The following SMARCC1 variants were observed in gnomAD, a reference collection of about 807,000 sequenced individuals.
SMARCC1 encodes SWI/SNF related BAF chromatin remodeling complex subunit C1, also known as SWI/SNF complex subunit SMARCC1.
A neutral mutation model predicts 147.4 loss-of-function variants in SMARCC1; 43 were observed. That is an observed-to-expected ratio of 0.29 (90% CI 0.23 to 0.38). The LOEUF is 0.38. Ranked by LOEUF, SMARCC1 falls within the 10% of genes least tolerant of loss-of-function variation. The pLI is 1.00. For synonymous variants in SMARCC1, 495 were observed against 484.4 expected, an observed-to-expected ratio of 1.02 and a Z score of -0.29; for missense variants, 1,119 against 1,381.1, an observed-to-expected ratio of 0.81 and a Z score of 3.01.
intron 26 of SMARCC1, among the ~76,000 whole-genome samples, chr3:47,597,945 T>C (rs1379770042): frequency 6.6e-6 from 1 of 152,166 alleles, no homozygotes; most frequent in Non-Finnish European, 1.5e-5. Flanking sequence ...TGGGCAGCCA[T>C]ATAGTGAAAT....
At chr3:47,666,605 AAG>A (rs2033423221) in intron 19 of SMARCC1, among the ~76,000 whole-genome samples, 1 of 151,498 alleles carries the variant, frequency 6.6e-6, no homozygotes, top group South Asian at 2.1e-4. Flanking sequence ...AAAAAAAAAA[AAG>A]GTTCTCTTAG....
chr3:47,676,506 A>T, intron 17 of SMARCC1, 123 bp downstream of exon 17: 1 of 716,258 alleles, frequency 1.4e-6, no homozygotes, highest in Non-Finnish European at 2.3e-6. Flanking sequence ...ACACACAAGC[A>T]AGGATCAAAG....
At chr3:47,643,857 C>T (rs1253639899) in intron 21 of SMARCC1, among the ~76,000 whole-genome samples, 1 of 151,818 alleles carries the variant, frequency 6.6e-6, no homozygotes, top group South Asian at 2.1e-4. Flanking sequence ...ATGAAGAGAG[C>T]GGAACAAAAA....
intron 18 of SMARCC1, among the ~76,000 whole-genome samples, chr3:47,673,692 AC>A (rs2106752776): frequency 6.6e-6 from 1 of 152,352 alleles, no homozygotes; most frequent in South Asian, 2.1e-4. Context: ...CAGTCTCAAA[AC>A]AAAAAATTCT....
At chr3:47,728,454 A>G (rs1055212779) in intron 6 of SMARCC1, among the ~76,000 whole-genome samples, 1 of 152,038 alleles carries the variant, frequency 6.6e-6, no homozygotes, top group Admixed American at 6.6e-5. Context: ...TACATCATTA[A>G]TTTTTGCTTT....
intron 1 of SMARCC1, among the ~76,000 whole-genome samples, chr3:47,778,022 A>G (rs7649400): frequency 6.6e-6 from 1 of 151,266 alleles, no homozygotes; most frequent in Admixed American, 6.6e-5. Flanking sequence ...CCTGGCCAAC[A>G]TGGTGAAACC....
At chr3:47,588,662 A>C (rs1056556130) in intron 27 of SMARCC1, among the ~76,000 whole-genome samples, 1 of 151,764 alleles carries the variant, frequency 6.6e-6, no homozygotes, top group Non-Finnish European at 1.5e-5. Context: ...TTAAAAAATA[A>C]GCTCCTTCCT....
At chr3:47,778,190 C>CAAAAAAAAAAAAA (rs762774696) in intron 1 of SMARCC1, among the ~76,000 whole-genome samples, 1 of 53,156 alleles carries the variant, frequency 1.9e-5, no homozygotes, top group Non-Finnish European at 3.4e-5. Context: ...GACTCCATCT[C>CAAAAAAAAAAAAA]AAAAAAAAAA....
intron 21 of SMARCC1, among the ~76,000 whole-genome samples, chr3:47,644,543 T>C (rs769998888): frequency 6.6e-6 from 1 of 152,168 alleles, no homozygotes; most frequent in Non-Finnish European, 1.5e-5. Flanking sequence ...AGTCTCGCTC[T>C]ATCACCCAGG....
At chr3:47,729,189 G>T (rs930686791) in intron 5 of SMARCC1, 95 bp from the exon 6 acceptor site, 4 of 736,422 alleles carry the variant, frequency 5.4e-6, no homozygotes, top group Middle Eastern at 2.4e-4. Flanking sequence ...CTAAAAGCAT[G>T]GTTTTACTTA....
At chr3:47,762,586 G>A (rs552375630) in intron 2 of SMARCC1, among the ~76,000 whole-genome samples, 1 of 152,210 alleles carries the variant, frequency 6.6e-6, no homozygotes, top group Admixed American at 6.5e-5. Context: ...GTATTTACAG[G>A]TGTTCCACCA....
chr3:47,686,975 C>A (rs1485324655), intron 13 of SMARCC1, among the ~76,000 whole-genome samples: 1 of 151,914 alleles, frequency 6.6e-6, no homozygotes, highest in Admixed American at 6.6e-5. Flanking sequence ...TAGGCAAGAC[C>A]CTGCCTCAAA....
chr3:47,713,914 C>A (rs961623670), intron 8 of SMARCC1, among the ~76,000 whole-genome samples: 1 of 152,214 alleles, frequency 6.6e-6, no homozygotes, highest in Non-Finnish European at 1.5e-5. Flanking sequence ...CCTCAAACAT[C>A]AAGCACTGCA....
intron 21 of SMARCC1, among the ~76,000 whole-genome samples, chr3:47,642,363 G>A (rs2033059157): frequency 6.6e-6 from 1 of 152,202 alleles, no homozygotes; most frequent in African/African-American, 2.4e-5. Context: ...GCCAAGGCAG[G>A]TGGATCACTT....
At chr3:47,624,449 T>C (rs538183389) in intron 24 of SMARCC1, among the ~76,000 whole-genome samples, 75 of 152,094 alleles carry the variant, frequency 4.9e-4, no homozygotes, top group Non-Finnish European at 8.5e-4. Context: ...ACCCAAAAAA[T>C]TGGACTGCAT....
chr3:47,736,153 A>T, intron 4 of SMARCC1, 27 bp from the exon 5 acceptor site: 1 of 1,272,790 alleles, frequency 7.9e-7, no homozygotes, highest in Non-Finnish European at 1.1e-6. Flanking sequence ...CAGACTTTCA[A>T]ATTCTCTTAG....
intron 2 of SMARCC1, among the ~76,000 whole-genome samples, chr3:47,759,106 G>GGCTCAAGCAATCCTCCCACCTC (rs1345457473): frequency 6.6e-6 from 1 of 151,878 alleles, no homozygotes; most frequent in East Asian, 2.0e-4. Context: ...TTCGCCACCT[G>GGCTCAAGCAATCCTCCCACCTC]GCTCAAGCAA....
At chr3:47,616,344 T>G (rs1340561542) in intron 25 of SMARCC1, among the ~76,000 whole-genome samples, 1 of 152,242 alleles carries the variant, frequency 6.6e-6, no homozygotes, top group Non-Finnish European at 1.5e-5. Flanking sequence ...TGATATACTC[T>G]GTAACTTCCA....
At chr3:47,639,882 C>T (rs1469778815) in intron 21 of SMARCC1, among the ~76,000 whole-genome samples, 1 of 152,122 alleles carries the variant, frequency 6.6e-6, no homozygotes, top group Non-Finnish European at 1.5e-5. Flanking sequence ...TACAAATGTA[C>T]ACATGCTGAA....
Sources: gnomAD v4.1 joint callset for allele counts (sites outside exome capture counted in the v4.1 genomes callset) on GRCh38, gnomAD v4.1.1 for gene constraint, MANE v1.5 for transcripts, NCBI Gene and HGNC (gene_info 2026-07-23, HGNC 2026-07-21) for gene names.